TRIM5: variants seen among roughly 807,000 people sequenced by gnomAD.
TRIM5 encodes tripartite motif containing 5.
In TRIM5, 31 loss-of-function variants were observed where a neutral mutation model predicts 35.6. The observed-to-expected ratio is 0.87, with a 90% confidence interval of 0.65 to 1.18. TRIM5 has a LOEUF of 1.18. Among genes scored for constraint, TRIM5 ranks in the 50% most tolerant of loss-of-function variants. TRIM5 has a pLI of 0.00. For missense variants in TRIM5, 609 were observed against 591.6 expected (o/e 1.03, Z -0.31); for synonymous variants, 243 against 215.6 (o/e 1.13, Z -1.11).
the TRIM5 span, chr11:5,643,436 G>A: frequency 1.9e-6 from 3 of 1,613,976 alleles, no homozygotes; most frequent in Non-Finnish European, 2.5e-6. Flanking sequence ...TTGGCTACTG[G>A]GTTATAGGGT....
the TRIM5 span, among the ~76,000 whole-genome samples, chr11:5,599,092 C>T: frequency 1.3e-5 from 2 of 152,122 alleles, no homozygotes; most frequent in African/African-American, 2.4e-5. Flanking sequence ...GGTTCTTTCA[C>T]TTTGCATGCT....
chr11:5,678,120 T>A (rs1852133284), intron 4 of TRIM5, 84 bp downstream of exon 4: 1 of 1,191,308 alleles, frequency 8.4e-7, no homozygotes, highest in African/African-American at 1.5e-5. Context: ...ATTGTTAATA[T>A]TAGAAAAAGC....
chr11:5,629,548 C>T, the TRIM5 span, among the ~76,000 whole-genome samples: 2 of 152,128 alleles, frequency 1.3e-5, no homozygotes, highest in Admixed American at 1.3e-4. Flanking sequence ...ATCATCATGC[C>T]ACTACTCTGT....
At chr11:5,618,341 G>A in the TRIM5 span, among the ~76,000 whole-genome samples, 3 of 152,054 alleles carry the variant, frequency 2.0e-5, no homozygotes, top group Non-Finnish European at 2.9e-5. Flanking sequence ...CTGCACTCCA[G>A]CCTGGGCAAC....
chr11:5,669,212 T>TG (rs1851387247), intron 4 of TRIM5, among the ~76,000 whole-genome samples: 1 of 152,032 alleles, frequency 6.6e-6, no homozygotes, highest in South Asian at 2.1e-4. Flanking sequence ...CCTGAGTAGC[T>TG]GGGATTACAG....
intron 4 of TRIM5, 37 bp downstream of exon 4, chr11:5,678,167 T>C: frequency 6.5e-7 from 1 of 1,548,536 alleles, no homozygotes; most frequent in Non-Finnish European, 8.8e-7. Context: ...TTCACTTTTC[T>C]TTAATCTCAG....
chr11:5,612,890 T>C, the TRIM5 span: 1 of 152,232 alleles, frequency 6.6e-6, no homozygotes, highest in Non-Finnish European at 1.5e-5. Flanking sequence ...AACTTTTCCT[T>C]TGTGTATTGC....
chr11:5,641,984 AG>A, the TRIM5 span, among the ~76,000 whole-genome samples: 1 of 152,158 alleles, frequency 6.6e-6, no homozygotes, highest in Non-Finnish European at 1.5e-5. Flanking sequence ...TATCACAGTC[AG>A]GATCTACAGC....
chr11:5,674,905 A>G (rs1456260666), intron 4 of TRIM5, among the ~76,000 whole-genome samples: 3 of 152,198 alleles, frequency 2.0e-5, no homozygotes, highest in Admixed American at 2.0e-4. Context: ...GGGAGAGTTG[A>G]GGCCGATATT....
intron 3 of TRIM5, 70 bp from the exon 4 acceptor site, chr11:5,678,504 T>A: frequency 7.6e-7 from 1 of 1,322,894 alleles, no homozygotes. Flanking sequence ...GAAAAGGAGC[T>A]GTTTCTTTTG....
At chr11:5,645,616 GA>G in the TRIM5 span, 1 of 156,128 alleles carries the variant, frequency 6.4e-6, no homozygotes. Context: ...TGCATAGAAT[GA>G]GAGTACTTTT....
the TRIM5 span, among the ~76,000 whole-genome samples, chr11:5,637,160 G>A: frequency 1.4e-3 from 211 of 152,152 alleles, 1 homozygote; most frequent in Admixed American, 4.3e-3. Context: ...GCGACAGAGC[G>A]AGACTCAGTC....
At chr11:5,675,762 A>G (rs1473676222) in intron 4 of TRIM5, among the ~76,000 whole-genome samples, 3 of 146,010 alleles carry the variant, frequency 2.1e-5, no homozygotes, top group Admixed American at 6.9e-5. Context: ...CAGGTTAGTT[A>G]CATATGTATA....
At chr11:5,595,923 C>T in the TRIM5 span, among the ~76,000 whole-genome samples, 7 of 152,056 alleles carry the variant, frequency 4.6e-5, no homozygotes, top group African/African-American at 9.7e-5. Flanking sequence ...CCTCGTTATC[C>T]GCCCGCCTCG....
chr11:5,631,233 C>G, the TRIM5 span, among the ~76,000 whole-genome samples: 51 of 152,310 alleles, frequency 3.3e-4, 1 homozygote, highest in Non-Finnish European at 4.6e-4. Context: ...AAGACCCCCC[C>G]AGAAATTCCC....
chr11:5,634,045 G>A, the TRIM5 span: 1 of 822,738 alleles, frequency 1.2e-6, no homozygotes, highest in Non-Finnish European at 1.8e-6. Context: ...CCTGTTGGGG[G>A]TGGAGGCTAG....
At chr11:5,623,252 T>C in the TRIM5 span, among the ~76,000 whole-genome samples, 41 of 152,156 alleles carry the variant, frequency 2.7e-4, no homozygotes, top group Admixed American at 7.2e-4. Flanking sequence ...TTTTACACTA[T>C]CTAAATGTAT....
At chr11:5,617,034 G>A in the TRIM5 span, among the ~76,000 whole-genome samples, 1 of 104,070 alleles carries the variant, frequency 9.6e-6, no homozygotes, top group Non-Finnish European at 2.0e-5. Context: ...ACCACGCCCA[G>A]CTTTTTTTTT....
chr11:5,596,543 T>TCCCCCCTCCCCCTC, the TRIM5 span: 1 of 24,648 alleles, frequency 4.1e-5, no homozygotes, highest in Admixed American at 4.9e-4. Context: ...CCTTCCCCCT[T>TCCCCCCTCCCCCTC]CCCCCTTCCC....
Sources: gnomAD v4.1 joint callset for allele counts (sites outside exome capture counted in the v4.1 genomes callset) on GRCh38, gnomAD v4.1.1 for gene constraint, MANE v1.5 for transcripts, NCBI Gene and HGNC (gene_info 2026-07-23, HGNC 2026-07-21) for gene names.